GALNTL6: variants seen among roughly 807,000 people sequenced by gnomAD.
The protein encoded by GALNTL6 is polypeptide N-acetylgalactosaminyltransferase-like 6.
Under a neutral mutation model 73.7 loss-of-function variants are expected in GALNTL6, and 46 were observed. The ratio of observed to expected loss-of-function variants is 0.62; its 90% CI spans 0.49 to 0.80. The LOEUF (loss-of-function observed/expected upper bound fraction) is 0.80, where lower values mean the gene tolerates loss of function less well. Among genes scored for constraint, GALNTL6 ranks in the 30% least tolerant of loss-of-function variants. The probability of loss-of-function intolerance (pLI) is 0.00; values close to 1 mark genes in which losing one functional copy is unlikely to be tolerated. For synonymous variants in GALNTL6, 259 were observed against 263.7 expected (o/e 0.98, Z 0.17); for missense variants, 604 against 755.0 (o/e 0.80, Z 2.34).
At chr4:172,591,637 A>G (rs1402497174) in intron 5 of GALNTL6, among the ~76,000 whole-genome samples, 1 of 152,244 alleles carries the variant, frequency 6.6e-6, no homozygotes, top group African/African-American at 2.4e-5. Context: ...AGTCCTAAAC[A>G]GGCTTTCCTG....
intron 5 of GALNTL6, among the ~76,000 whole-genome samples, chr4:172,677,768 T>TAAAA (rs904537450): frequency 7.0e-6 from 1 of 143,248 alleles, no homozygotes. Context: ...TACAAAAAAT[T>TAAAA]AAAAAAAAAA....
At chr4:172,406,975 A>T (rs1049872965) in intron 5 of GALNTL6, among the ~76,000 whole-genome samples, 1 of 152,010 alleles carries the variant, frequency 6.6e-6, no homozygotes, top group Non-Finnish European at 1.5e-5. Flanking sequence ...TACAGAAATC[A>T]TCTGATATCT....
intron 12 of GALNTL6, among the ~76,000 whole-genome samples, chr4:173,023,866 T>C (rs1279050704): frequency 1.3e-5 from 2 of 152,184 alleles, no homozygotes; most frequent in Non-Finnish European, 2.9e-5. Context: ...ACAGCCTGTG[T>C]GTGGTGCAAT....
intron 10 of GALNTL6, among the ~76,000 whole-genome samples, chr4:172,971,535 G>A (rs1366199295): frequency 6.6e-6 from 1 of 152,198 alleles, no homozygotes; most frequent in Non-Finnish European, 1.5e-5. Flanking sequence ...GGGAAAGTGA[G>A]TGGAAAGCAG....
intron 2 of GALNTL6, among the ~76,000 whole-genome samples, chr4:171,980,220 CA>C (rs2111078479): frequency 6.6e-6 from 1 of 152,112 alleles, no homozygotes; most frequent in Admixed American, 6.5e-5. Flanking sequence ...AAAAACCATT[CA>C]ATTAGTAAAC....
chr4:172,504,175 A>AACAAAAAAC lies in GALNTL6; in HGVS notation c.553+155487_553+155488insCAAAAAACA, dbSNP rs1554031156. On this transcript the variant is annotated intron_variant, in intron 5 of 12. Transcript: ENST00000506823. The stretch of plus-strand genomic sequence containing the variant: ...ACTCTGTCTCAAAAAAAAAAAAAAA[A>AACAAAAAAC]AAAACTCACACCTTGTTGATATTGG... Among the ~76,000 whole-genome samples, 28 of 39,318 alleles carry AACAAAAAAC rather than the reference A, an allele frequency of 7.1e-4. 12 individuals are homozygous for AACAAAAAAC. Among genetic ancestry groups the AACAAAAAAC allele is most frequent in the African/African-American group, 2.0e-3 (26 of 13,020 alleles). The allele number at this position is 39,318 out of a possible 152,430, so 25.8% of individuals were successfully genotyped here. A position where few individuals can be genotyped will look rare whatever the true frequency, so the allele number is the denominator to read the frequency against.
chr4:172,268,975 T>A (rs1398020221), intron 3 of GALNTL6, among the ~76,000 whole-genome samples: 1 of 152,088 alleles, frequency 6.6e-6, no homozygotes, highest in African/African-American at 2.4e-5. Flanking sequence ...CCAAGTTGAC[T>A]AAGAGGAAGC....
chr4:172,109,013 CAA>C (rs202017302), intron 2 of GALNTL6, among the ~76,000 whole-genome samples: 1,110 of 107,676 alleles, frequency 0.01, 1 homozygote, highest in Non-Finnish European at 0.018. Context: ...ACTCCATCTC[CAA>C]AAAAAAAAAA....
chr4:172,976,379 G>A (rs1750812512), intron 10 of GALNTL6, among the ~76,000 whole-genome samples: 1 of 152,040 alleles, frequency 6.6e-6, no homozygotes, highest in Non-Finnish European at 1.5e-5. Flanking sequence ...CTAAGACATA[G>A]AAGTCACATA....
chr4:172,663,537 C>T (rs1424891465), intron 5 of GALNTL6, among the ~76,000 whole-genome samples: 1 of 152,204 alleles, frequency 6.6e-6, no homozygotes, highest in Non-Finnish European at 1.5e-5. Flanking sequence ...TTCAAGATCT[C>T]CTGGTGACAT....
chr4:171,871,330 A>C (rs1351510054), intron 2 of GALNTL6, among the ~76,000 whole-genome samples: 1 of 152,206 alleles, frequency 6.6e-6, no homozygotes, highest in Non-Finnish European at 1.5e-5. Context: ...ACAGTATACT[A>C]TTATAAAAGT....
chr4:172,977,228 C>T (rs1031170053), intron 10 of GALNTL6, among the ~76,000 whole-genome samples: 1 of 152,196 alleles, frequency 6.6e-6, no homozygotes, highest in African/African-American at 2.4e-5. Flanking sequence ...CACTCTGGGT[C>T]TATTGATGGA....
At chr4:172,547,032 T>C (rs1045585034) in intron 5 of GALNTL6, among the ~76,000 whole-genome samples, 1 of 151,524 alleles carries the variant, frequency 6.6e-6, no homozygotes, top group African/African-American at 2.4e-5. Context: ...CAGCCACCAT[T>C]CTACCCTCGG....
At chr4:172,996,135 T>A (rs1751767164) in intron 10 of GALNTL6, among the ~76,000 whole-genome samples, 2 of 151,710 alleles carry the variant, frequency 1.3e-5, no homozygotes, top group African/African-American at 4.9e-5. Context: ...TAAATGTCCA[T>A]CAGTGACAGA....
At chr4:171,944,162 T>A (rs942178896) in intron 2 of GALNTL6, among the ~76,000 whole-genome samples, 1 of 152,050 alleles carries the variant, frequency 6.6e-6, no homozygotes, top group Non-Finnish European at 1.5e-5. Context: ...AATAAAGTAT[T>A]TCTTAAAAGA....
At chr4:172,237,529 C>A (rs115044747) in intron 3 of GALNTL6, among the ~76,000 whole-genome samples, 1 of 152,068 alleles carries the variant, frequency 6.6e-6, no homozygotes, top group Non-Finnish European at 1.5e-5. Flanking sequence ...TTTCTCCCAT[C>A]GCATGTGTTG....
intron 5 of GALNTL6, among the ~76,000 whole-genome samples, chr4:172,548,589 T>C (rs1735853618): frequency 1.3e-5 from 2 of 152,216 alleles, no homozygotes; most frequent in Non-Finnish European, 2.9e-5. Flanking sequence ...CAGGAAAATG[T>C]AATTTTAGCC....
intron 2 of GALNTL6, among the ~76,000 whole-genome samples, chr4:172,163,437 G>A (rs894565734): frequency 1.3e-5 from 2 of 149,562 alleles, no homozygotes; most frequent in Non-Finnish European, 3.0e-5. Context: ...TGTGTAGATA[G>A]TAGGTAAATA....
rs142813742 is a variant in GALNTL6, at chr4:172,383,639, G to A, written c.553+34950G>A. 5.1e-3 allele frequency among the ~76,000 whole-genome samples: 777 copies of A among 152,182 alleles called. 6 individuals are homozygous for A. Among genetic ancestry groups the A allele is most frequent in the Non-Finnish European group, 8.8e-3 (598 of 67,968 alleles). ...TCTACAGGACAATGTTGAATAAAAA[G>A]GTGAGAGCAGACATCCTTATCCTGT... On this transcript the variant is annotated intron_variant, in intron 5 of 12. Coordinates refer to ENST00000506823, the MANE Select transcript of GALNTL6 (RefSeq NM_001034845.3).
Sources: gnomAD v4.1 joint callset for allele counts (sites outside exome capture counted in the v4.1 genomes callset) on GRCh38, gnomAD v4.1.1 for gene constraint, MANE v1.5 for transcripts, NCBI Gene and HGNC (gene_info 2026-07-23, HGNC 2026-07-21) for gene names.